TSPAN5: variants seen among roughly 807,000 people sequenced by gnomAD.
TSPAN5 encodes the protein tetraspanin 5, also known as tetraspanin-5.
In TSPAN5, 10 loss-of-function variants were observed where a neutral mutation model predicts 37.1. The observed-to-expected ratio is 0.27, with a 90% confidence interval of 0.17 to 0.46. The LOEUF (loss-of-function observed/expected upper bound fraction) is 0.46. TSPAN5 is among the 20% of genes least tolerant of loss of function. TSPAN5 has a pLI of 1.00. For missense variants in TSPAN5, 195 were observed against 326.6 expected (o/e 0.60, Z 3.11); for synonymous variants, 110 against 118.9 (o/e 0.93, Z 0.48).
At chr4:98,629,541 G>C (rs1487738479) in intron 1 of TSPAN5, among the ~76,000 whole-genome samples, 1 of 152,076 alleles carries the variant, frequency 6.6e-6, no homozygotes, top group Non-Finnish European at 1.5e-5. Flanking sequence ...GCAGTCTCCT[G>C]GTCTTTTATC....
intron 1 of TSPAN5, among the ~76,000 whole-genome samples, chr4:98,567,798 G>A (rs994948134): frequency 4.6e-5 from 7 of 152,210 alleles, no homozygotes; most frequent in African/African-American, 1.4e-4. Flanking sequence ...TTAGTTGTTG[G>A]CGGTGGTGGC....
chr4:98,585,109 AC>A (rs1377708043), intron 1 of TSPAN5, among the ~76,000 whole-genome samples: 57 of 152,274 alleles, frequency 3.7e-4, no homozygotes, highest in African/African-American at 7.2e-5. Context: ...CAGTCAAAAA[AC>A]CTAATTTTTA....
At chr4:98,578,903 C>A (rs545979961) in intron 1 of TSPAN5, among the ~76,000 whole-genome samples, 1 of 152,288 alleles carries the variant, frequency 6.6e-6, no homozygotes, top group South Asian at 2.1e-4. Context: ...ACACCTCCCA[C>A]TACACATGCC....
chr4:98,647,701 T>C (rs1560573217), intron 1 of TSPAN5, among the ~76,000 whole-genome samples: 1 of 152,214 alleles, frequency 6.6e-6, no homozygotes, highest in African/African-American at 2.4e-5. Context: ...AAAAACACCA[T>C]TTTGTAATTG....
intron 4 of TSPAN5, 82 bp from the exon 5 acceptor site, chr4:98,478,892 G>A: frequency 4.6e-6 from 7 of 1,523,546 alleles, no homozygotes; most frequent in Non-Finnish European, 5.4e-6. Flanking sequence ...AACGACACCA[G>A]CTTCTGCCAG....
intron 1 of TSPAN5, among the ~76,000 whole-genome samples, chr4:98,632,998 G>A (rs752410639): frequency 8.5e-5 from 13 of 152,168 alleles, no homozygotes; most frequent in South Asian, 4.1e-4. Context: ...GCAGGAACAC[G>A]GAAGGCAGAC....
intron 1 of TSPAN5, among the ~76,000 whole-genome samples, chr4:98,515,336 G>A (rs919405257): frequency 3.9e-5 from 6 of 152,160 alleles, no homozygotes; most frequent in East Asian, 1.9e-4. Flanking sequence ...ATGTGACCAC[G>A]TGAGCACTGA....
rs1752614418 is a variant in TSPAN5 at position 98,472,606 on chromosome 4, G to A, written c.742-19C>T. 6.2e-7 allele frequency: 1 copy of A among 1,608,430 alleles called. No individual in the cohort carries two copies. The highest frequency in any genetic ancestry group is 8.5e-7 in the Non-Finnish European group (1 of 1,176,216). On this transcript the variant is annotated intron_variant, in intron 7 of 7. Transcript: ENST00000305798. ...CAAATATCTGAGAAAGGAAGAAAAT[G>A]TGAGTGAAACAGTGACACTTGTAAC...
At chr4:98,630,520 T>C (rs1286519467) in intron 1 of TSPAN5, among the ~76,000 whole-genome samples, 1 of 152,218 alleles carries the variant, frequency 6.6e-6, no homozygotes, top group Non-Finnish European at 1.5e-5. Context: ...GAGGCACGCA[T>C]ATTCCCTAAA....
chr4:98,580,614 G>C (rs981232659), intron 1 of TSPAN5, among the ~76,000 whole-genome samples: 5 of 152,214 alleles, frequency 3.3e-5, no homozygotes, highest in Non-Finnish European at 7.3e-5. Context: ...CCAAGATGAG[G>C]AACAGGGGAG....
chr4:98,497,785 T>A (rs1194434537), intron 2 of TSPAN5, among the ~76,000 whole-genome samples: 2 of 151,694 alleles, frequency 1.3e-5, no homozygotes, highest in African/African-American at 2.4e-5. Flanking sequence ...AAGAACAGAG[T>A]GCATGGAGCA....
At chr4:98,620,837 G>C (rs1756464517) in intron 1 of TSPAN5, among the ~76,000 whole-genome samples, 1 of 152,212 alleles carries the variant, frequency 6.6e-6, no homozygotes, top group African/African-American at 2.4e-5. Flanking sequence ...GTGCTTGACA[G>C]CACTTAGAAG....
At chr4:98,586,363 T>C (rs1755484067) in intron 1 of TSPAN5, among the ~76,000 whole-genome samples, 2 of 152,208 alleles carry the variant, frequency 1.3e-5, no homozygotes, top group South Asian at 4.1e-4. Flanking sequence ...CCCCATTAAC[T>C]GACTTGTCTG....
At chr4:98,575,937 T>C (rs1472641841) in intron 1 of TSPAN5, among the ~76,000 whole-genome samples, 2 of 151,910 alleles carry the variant, frequency 1.3e-5, no homozygotes, top group Admixed American at 1.3e-4. Flanking sequence ...GGTGTGGTGG[T>C]GCATGCCTGT....
chr4:98,648,521 C>T (rs1757116655), intron 1 of TSPAN5, among the ~76,000 whole-genome samples: 1 of 152,220 alleles, frequency 6.6e-6, no homozygotes, highest in Non-Finnish European at 1.5e-5. Context: ...CTATATGATG[C>T]TAACTGCTAG....
In TSPAN5 at chr4:98,549,967, C is replaced by T. The variant is rs547956925; in HGVS notation, c.82-42239G>A. Among the ~76,000 whole-genome samples, 33 of 152,070 alleles carry T rather than the reference C, an allele frequency of 2.2e-4. No individual in the cohort carries two copies. In the South Asian group the frequency reaches 6.7e-3, roughly 31 times the overall value. ...CTTGGTCATAAATTCTTTGCCTGGG[C>T]CAATGTCCAGAAGAGTTTTTCCTAG... On this transcript the variant is annotated intron_variant, in intron 1 of 7. Coordinates refer to ENST00000305798, the MANE Select transcript of TSPAN5 (RefSeq NM_005723.4).
chr4:98,530,281 G>A (rs1191529900), intron 1 of TSPAN5, among the ~76,000 whole-genome samples: 1 of 152,244 alleles, frequency 6.6e-6, no homozygotes, highest in Non-Finnish European at 1.5e-5. Flanking sequence ...TAGACACTGA[G>A]AAAGTGATAA....
At position 98,472,254 on chromosome 4, in the gene TSPAN5, C is replaced by G; in HGVS notation, c.*268G>C. 13 of 320,776 alleles carry G rather than the reference C, an allele frequency of 4.1e-5. No individual in the cohort carries two copies. Among genetic ancestry groups the G allele is most frequent in the Non-Finnish European group, 4.5e-5 (8 of 178,182 alleles). The allele number at this position is 320,776 out of a possible 1,614,324, so 19.9% of individuals were successfully genotyped here. ...TGGGTCCCCTACCCTCCCTTTTTTT[C>G]TTTTTTGGTAAGCATCTAACTGTCC... On this transcript the variant is annotated 3_prime_UTR_variant, in exon 8 of 8. Coordinates refer to ENST00000305798, the MANE Select transcript of TSPAN5 (RefSeq NM_005723.4).
At chr4:98,505,208 C>CA (rs1443269228) in intron 2 of TSPAN5, among the ~76,000 whole-genome samples, 1 of 152,100 alleles carries the variant, frequency 6.6e-6, no homozygotes, top group Non-Finnish European at 1.5e-5. Context: ...GCTCTTTTCC[C>CA]ACCCAGCAAC....
Sources: allele counts gnomAD v4.1 joint callset (sites outside exome capture counted in the v4.1 genomes callset), GRCh38; gene constraint gnomAD v4.1.1; transcripts MANE v1.5; gene names NCBI Gene and HGNC (gene_info 2026-07-23, HGNC 2026-07-21).